Variants in STK32C observed in about 807,000 individuals in gnomAD.
STK32C encodes the protein serine/threonine-protein kinase 32C.
Under a neutral mutation model 56.5 loss-of-function variants are expected in STK32C, and 31 were observed. The observed-to-expected ratio is 0.55, with a 90% confidence interval of 0.41 to 0.74. The LOEUF (loss-of-function observed/expected upper bound fraction) is 0.74. STK32C is among the 30% of genes least tolerant of loss of function. The pLI, the probability that STK32C is intolerant of heterozygous loss-of-function variation, is 0.00. For synonymous variants in STK32C, 309 were observed against 289.4 expected (o/e 1.07, Z -0.69); for missense variants, 544 against 676.9 (o/e 0.80, Z 2.18).
chr10:132,250,150 G>A (rs1047490131), intron 1 of STK32C, among the ~76,000 whole-genome samples: 11 of 152,364 alleles, frequency 7.2e-5, no homozygotes, highest in Admixed American at 2.6e-4. Context: ...GCTCCGCACC[G>A]GGGGAGGGAA....
At chr10:132,230,692 G>GGGGGGGGGGGGGCC in intron 2 of STK32C, among the ~76,000 whole-genome samples, 1 of 134,260 alleles carries the variant, frequency 7.4e-6, no homozygotes, top group Admixed American at 7.0e-5. Flanking sequence ...GGGGGGGGGG[G>GGGGGGGGGGGGGCC]CTGCAGAGCC....
chr10:132,251,151 T>C (rs2063890365), intron 1 of STK32C, among the ~76,000 whole-genome samples: 1 of 152,096 alleles, frequency 6.6e-6, no homozygotes, highest in South Asian at 2.1e-4. Flanking sequence ...GGAGCCACCA[T>C]GTGGTCACCC....
At position 132,267,002 on chromosome 10, in the gene STK32C, G is replaced by A. The variant is rs2064560109; in HGVS notation, c.263-21047C>T. ...CAACCACCGTGAGTGTTGGGAGCTCGGCCGTCACTGAGCGGGCAGCCCCCG... is the reference window on the plus strand; with the variant it reads ...CAACCACCGTGAGTGTTGGGAGCTCAGCCGTCACTGAGCGGGCAGCCCCCG... On this transcript the variant is annotated intron_variant, in intron 1 of 11. Transcript: ENST00000298630. Among the ~76,000 whole-genome samples, 3 of 152,146 alleles carry A rather than the reference G, an allele frequency of 2.0e-5. No homozygotes were observed. In the South Asian group the frequency reaches 6.2e-4, roughly 32 times the overall value.
At chr10:132,332,120 T>G (rs920186951), upstream of STK32C, 2 of 182,282 alleles carry the variant, frequency 1.1e-5, no homozygotes, top group African/African-American at 2.4e-5. Flanking sequence ...ACAGACACAC[T>G]CGCGCTCAGC....
At chr10:132,315,154 C>T (rs2066289643) in intron 1 of STK32C, among the ~76,000 whole-genome samples, 1 of 152,140 alleles carries the variant, frequency 6.6e-6, no homozygotes, top group African/African-American at 2.4e-5. Context: ...AGAATAAGTT[C>T]ATGTCCTTTG....
chr10:132,225,835 G>T (rs764710256), intron 4 of STK32C, 51 bp from the exon 5 acceptor site: 2 of 1,610,492 alleles, frequency 1.2e-6, no homozygotes, highest in South Asian at 2.2e-5. Flanking sequence ...CCCTGTTTCT[G>T]CCCTGGAATC....
chr10:132,243,782 AC>A lies in STK32C; in HGVS notation c.318+2117del, dbSNP rs1174713706. On this transcript the variant is annotated intron_variant, in intron 2 of 11. Coordinates refer to ENST00000298630, the MANE Select transcript of STK32C (RefSeq NM_173575.4). ...AGCTGCACCAGGGCCATTTGGCAGGACCCGACTCTACCCGGTCAGACTCTAA... is the reference window on the plus strand; with the variant it reads ...AGCTGCACCAGGGCCATTTGGCAGGACCGACTCTACCCGGTCAGACTCTAA... Among the ~76,000 whole-genome samples, 8 of 152,076 alleles carry A rather than the reference AC, an allele frequency of 5.3e-5. No individual in the cohort carries two copies. The East Asian group carries it at 1.5e-3, about 29-fold the overall frequency.
chr10:132,287,518 C>A (rs2065443005), intron 1 of STK32C, among the ~76,000 whole-genome samples: 1 of 151,004 alleles, frequency 6.6e-6, no homozygotes, highest in Non-Finnish European at 1.5e-5. Flanking sequence ...GTGGCGTGAT[C>A]TCGGCTCACT....
intron 1 of STK32C, among the ~76,000 whole-genome samples, chr10:132,283,262 G>A (rs1236410842): frequency 1.3e-5 from 2 of 151,962 alleles, no homozygotes; most frequent in African/African-American, 4.8e-5. Flanking sequence ...AGAGCAACAC[G>A]CTGATCAGTG....
Position 132,271,108 on chromosome 10 carries a change from T to C in STK32C, c.263-25153A>G, listed in dbSNP as rs182374626. On this transcript the variant is annotated intron_variant, in intron 1 of 11. Coordinates refer to ENST00000298630, the MANE Select transcript of STK32C (RefSeq NM_173575.4). Reference sequence around the variant, plus strand: ...AAAGACGCAAATGACTAGGGCTCCATTATCAGATAGAAATACAGGGGGTGA... The same window carrying C: ...AAAGACGCAAATGACTAGGGCTCCACTATCAGATAGAAATACAGGGGGTGA... Among the ~76,000 whole-genome samples, 108 of 152,224 alleles carry C rather than the reference T, an allele frequency of 7.1e-4. 2 individuals are homozygous for C. The East Asian group carries it at 0.019, about 26-fold the overall frequency.
downstream of STK32C, among the ~76,000 whole-genome samples, chr10:132,321,934 AG>A (rs1474258270): frequency 1.3e-5 from 2 of 152,046 alleles, no homozygotes; most frequent in Non-Finnish European, 2.9e-5. Flanking sequence ...TCTCTACTGG[AG>A]TCCAAAGGGG....
Position 132,228,137 on chromosome 10 carries a change from C to T in STK32C, c.319-9G>A. On this transcript the variant is annotated splice_polypyrimidine_tract_variant and intron_variant, in intron 2 of 11. Coordinates refer to ENST00000298630, the MANE Select transcript of STK32C (RefSeq NM_173575.4). ...TTCTGCACAATGCACACCTGGAGGG[C>T]ACAGGGCTGTTCGGCAGGACGCCTG... 6.2e-7 allele frequency: 1 copy of T among 1,613,950 alleles called. No homozygotes were observed. Among genetic ancestry groups the T allele is most frequent in the African/African-American group, 1.3e-5 (1 of 75,046 alleles).
At chr10:132,258,246 G>A (rs373886502) in intron 1 of STK32C, among the ~76,000 whole-genome samples, 1 of 152,356 alleles carries the variant, frequency 6.6e-6, no homozygotes, top group African/African-American at 2.4e-5. Context: ...GGTGTCTGCC[G>A]GGCACAGCGG....
chr10:132,212,785 T>C (rs1030512684), intron 10 of STK32C, among the ~76,000 whole-genome samples: 1 of 152,252 alleles, frequency 6.6e-6, no homozygotes, highest in Non-Finnish European at 1.5e-5. Context: ...CTCCCATCCC[T>C]GCGACAGGAA....
intron 10 of STK32C, among the ~76,000 whole-genome samples, chr10:132,221,038 A>G (rs1158712870): frequency 6.6e-6 from 1 of 152,264 alleles, no homozygotes; most frequent in East Asian, 1.9e-4. Context: ...CATCTCAGAG[A>G]GACGCATTGC....
rs562800617 is a variant in STK32C, at chr10:132,225,222, G to A, written c.876+11C>T. Reference sequence around the variant, plus strand: ...TGGCAGCCAAGCCCAGGGGCTGCAGGGGGTCCATACCCATCCTCGCAGCAG... The same window carrying A: ...TGGCAGCCAAGCCCAGGGGCTGCAGAGGGTCCATACCCATCCTCGCAGCAG... On this transcript the variant is annotated intron_variant, in intron 7 of 11. Coordinates refer to ENST00000298630, the MANE Select transcript of STK32C (RefSeq NM_173575.4). The A allele has an allele frequency of 1.3e-6, 2 of 1,590,220 alleles. No homozygotes were observed. Among genetic ancestry groups the A allele is most frequent in the Admixed American group, 1.7e-5 (1 of 58,444 alleles).
chr10:132,266,647 C>T (rs566646909), intron 1 of STK32C, among the ~76,000 whole-genome samples: 2 of 151,986 alleles, frequency 1.3e-5, no homozygotes, highest in Non-Finnish European at 2.9e-5. Flanking sequence ...TCCAGGACAA[C>T]CCCGAGCCCT....
chr10:132,236,186 G>A (rs2063285317), intron 2 of STK32C, among the ~76,000 whole-genome samples: 1 of 152,210 alleles, frequency 6.6e-6, no homozygotes, highest in African/African-American at 2.4e-5. Context: ...AGCACAGAAA[G>A]GACCCCTGGC....
At chr10:132,320,780 C>T (rs765488047), downstream of STK32C, among the ~76,000 whole-genome samples, 2 of 152,118 alleles carry the variant, frequency 1.3e-5, no homozygotes, top group Non-Finnish European at 1.5e-5. Flanking sequence ...TTATAACCCC[C>T]GGCTCCTCAG....
Sources: allele counts gnomAD v4.1 joint callset (sites outside exome capture counted in the v4.1 genomes callset), GRCh38; gene constraint gnomAD v4.1.1; transcripts MANE v1.5; gene names NCBI Gene and HGNC (gene_info 2026-07-23, HGNC 2026-07-21).